Variants in PPP1R37 observed in about 807,000 individuals in gnomAD.
The protein encoded by PPP1R37 is leucine rich repeat containing 68.
PPP1R37 carries 21 observed loss-of-function variants against 61.0 expected under a neutral mutation model. The observed-to-expected ratio is 0.34, with a 90% CI of 0.24 to 0.50. The LOEUF is 0.50. PPP1R37 is among the 20% of genes least tolerant of loss of function. PPP1R37 has a pLI of 0.98. For missense variants in PPP1R37, 910 were observed against 952.7 expected (o/e 0.96, Z 0.59); for synonymous variants, 443 against 433.5 (o/e 1.02, Z -0.27).
rs1968619229 is a variant in PPP1R37, at chr19:45,142,071, T to A, written c.578T>A (p.Leu193Gln). 1 of 1,520,894 alleles carries A rather than the reference T, an allele frequency of 6.6e-7. No homozygotes were observed. Among genetic ancestry groups the A allele is most frequent in the Non-Finnish European group, 8.8e-7 (1 of 1,138,186 alleles). The allele number at this position is 1,520,894 out of a possible 1,614,324, so 94.2% of individuals were successfully genotyped here. ...AAHMMRKTSC[L>Q]QYLDARNTPL... ...CTCTTGCCCCTGCAGACGAGCTGCC[T>A]GCAGTATCTGGACGCCCGCAACACG... Residue 193 changes from leucine to glutamine, a missense_variant, in exon 6 of 13, where the codon CTG (leucine) becomes CAG (glutamine). Physicochemically the swap from Leu to Gln is moderately radical, Grantham distance 113 (BLOSUM62 -2). Transcript: ENST00000221462.
chr19:45,143,510 G>T lies in PPP1R37; in HGVS notation c.875-11G>T. On this transcript the variant is annotated splice_polypyrimidine_tract_variant and intron_variant, in intron 7 of 12. Transcript: ENST00000221462. ...ACCCCAGACAGGGCTCTGACTGCCG[G>T]CCTCCTCCAGGTCTGGCCTACATCT... 6.6e-7 allele frequency: 1 copy of T among 1,506,954 alleles called. No homozygotes were observed. Among genetic ancestry groups the T allele is most frequent in the Non-Finnish European group, 8.9e-7 (1 of 1,120,694 alleles). The allele number at this position is 1,506,954 out of a possible 1,614,324, so 93.3% of individuals were successfully genotyped here. A position where few individuals can be genotyped will look rare whatever the true frequency, so the allele number is the denominator to read the frequency against.
chr19:45,140,893 G>A (rs575509984), intron 4 of PPP1R37, among the ~76,000 whole-genome samples: 68 of 152,242 alleles, frequency 4.5e-4, no homozygotes, highest in African/African-American at 1.5e-3. Flanking sequence ...CAGGAACCAC[G>A]CTGGAGGGTC....
chr19:45,095,799 AGCCAAGTCCTTGGGCTCTAG>A (rs1202574852), intron 1 of PPP1R37, among the ~76,000 whole-genome samples: 4 of 150,388 alleles, frequency 2.7e-5, no homozygotes, highest in Non-Finnish European at 5.9e-5. Context: ...ACTAGGAGCC[AGCCAAGTCCTTGGGCTCTAG>A]GCCCCAGGGA....
intron 1 of PPP1R37, among the ~76,000 whole-genome samples, chr19:45,112,294 TG>T (rs1369998606): frequency 6.6e-6 from 1 of 152,224 alleles, no homozygotes; most frequent in African/African-American, 2.4e-5. Context: ...AGTGCTGGGA[TG>T]ACAGGCGTGG....
At chr19:45,119,232 G>C (rs1455511817) in intron 1 of PPP1R37, among the ~76,000 whole-genome samples, 1 of 151,544 alleles carries the variant, frequency 6.6e-6, no homozygotes, top group Non-Finnish European at 1.5e-5. Flanking sequence ...TCAGCTCACT[G>C]CAGCCTCTGC....
chr19:45,128,666 C>G (rs571558137), intron 1 of PPP1R37: 1 of 1,228,110 alleles, frequency 8.1e-7, no homozygotes, highest in Non-Finnish European at 1.2e-6. Flanking sequence ...TCGTGGTGCT[C>G]AAAGGCTGGC....
At chr19:45,143,809 TGAG>T (rs1464727207) in intron 8 of PPP1R37, 176 bp downstream of exon 8, 4 of 513,300 alleles carry the variant, frequency 7.8e-6, no homozygotes, top group Non-Finnish European at 1.4e-5. Flanking sequence ...CTGTTTTCCC[TGAG>T]GAGGAGCCCT....
chr19:45,104,656 C>G (rs1483222750), intron 1 of PPP1R37, among the ~76,000 whole-genome samples: 2 of 149,980 alleles, frequency 1.3e-5, no homozygotes, highest in Non-Finnish European at 3.0e-5. Flanking sequence ...TTTGCTATTC[C>G]TGTTTCACAT....
intron 1 of PPP1R37, among the ~76,000 whole-genome samples, chr19:45,125,578 A>C (rs1452190295): frequency 1.3e-5 from 2 of 152,246 alleles, no homozygotes; most frequent in Non-Finnish European, 2.9e-5. Context: ...TGCAGTCTTA[A>C]CCACCCTAGT....
In PPP1R37 at chr19:45,111,963, C is replaced by T. The variant is rs10407809; in HGVS notation, c.202+18436C>T. ...AGGAAATTCCTGGGTCTTGGTTTTT[C>T]TTTTCTTTCTTTTTTTTTTTCTTTT... On this transcript the variant is annotated intron_variant, in intron 1 of 12. Transcript: ENST00000221462. Among the ~76,000 whole-genome samples the T allele has an allele frequency of 3.8e-3, 569 of 151,552 alleles. 2 individuals are homozygous for T. The highest frequency in any genetic ancestry group is 0.013 in the African/African-American group (551 of 41,384).
At chr19:45,135,779 CTTTT>C (rs546534256) in intron 1 of PPP1R37, among the ~76,000 whole-genome samples, 3 of 128,834 alleles carry the variant, frequency 2.3e-5, no homozygotes, top group Non-Finnish European at 4.9e-5. Flanking sequence ...TTTGCATTTC[CTTTT>C]TTTTTTTTTT....
At chr19:45,106,541 G>A (rs1003056201) in intron 1 of PPP1R37, among the ~76,000 whole-genome samples, 1 of 151,756 alleles carries the variant, frequency 6.6e-6, no homozygotes, top group Non-Finnish European at 1.5e-5. Flanking sequence ...GCCGCGCCTG[G>A]CCTGTTTGTT....
At position 45,093,693 on chromosome 19, in the gene PPP1R37, T is replaced by C. The variant is rs536652353; in HGVS notation, c.202+166T>C. 5.9e-5 allele frequency among the ~76,000 whole-genome samples: 9 copies of C among 152,208 alleles called. No individual in the cohort carries two copies. The South Asian group carries it at 1.2e-3, about 21-fold the overall frequency. On this transcript the variant is annotated intron_variant, in intron 1 of 12. Transcript: ENST00000221462. ...TAGTCTGTTAGAAAGGGGGTGGCTATGGAGTTGGGAAGGTGAAAAGTATCT... is the reference window on the plus strand; with the variant it reads ...TAGTCTGTTAGAAAGGGGGTGGCTACGGAGTTGGGAAGGTGAAAAGTATCT...
At chr19:45,098,305 A>G (rs1168527017) in intron 1 of PPP1R37, among the ~76,000 whole-genome samples, 1 of 152,222 alleles carries the variant, frequency 6.6e-6, no homozygotes, top group African/African-American at 2.4e-5. Context: ...TTACACAAGG[A>G]ACCCATCAGG....
At chr19:45,095,947 AG>A (rs1967987801) in intron 1 of PPP1R37, among the ~76,000 whole-genome samples, 1 of 152,230 alleles carries the variant, frequency 6.6e-6, no homozygotes, top group African/African-American at 2.4e-5. Flanking sequence ...TTTCAAGAGC[AG>A]AGGCTCCAGG....
intron 1 of PPP1R37, among the ~76,000 whole-genome samples, chr19:45,104,390 G>A (rs374844341): frequency 1.7e-4 from 26 of 152,292 alleles, no homozygotes; most frequent in African/African-American, 6.3e-4. Flanking sequence ...CACCCAGGCC[G>A]GGTGCCGCAA....
chr19:45,143,373 C>T, intron 7 of PPP1R37, 148 bp from the exon 8 acceptor site: 1 of 572,374 alleles, frequency 1.7e-6, no homozygotes, highest in Non-Finnish European at 3.1e-6. Context: ...CCCAGGGGTG[C>T]CAGGCCGAGG....
chr19:45,123,561 C>A (rs529091314), intron 1 of PPP1R37, among the ~76,000 whole-genome samples: 2 of 152,200 alleles, frequency 1.3e-5, no homozygotes, highest in East Asian at 3.9e-4. Context: ...TGGTTCAAAC[C>A]TCCCTCTGTC....
intron 1 of PPP1R37, among the ~76,000 whole-genome samples, chr19:45,101,060 C>T (rs897728208): frequency 2.0e-5 from 3 of 152,028 alleles, no homozygotes; most frequent in African/African-American, 4.8e-5. Context: ...AGGCCCAGTC[C>T]ATGCTTCTGT....
Sources: gnomAD v4.1 joint callset for allele counts (sites outside exome capture counted in the v4.1 genomes callset) on GRCh38, gnomAD v4.1.1 for gene constraint, MANE v1.5 for transcripts, NCBI Gene and HGNC (gene_info 2026-07-23, HGNC 2026-07-21) for gene names.